SNRPN: variants seen among roughly 807,000 people sequenced by gnomAD.
The protein encoded by SNRPN is small nuclear ribonucleoprotein-associated protein N.
A neutral mutation model predicts 25.2 loss-of-function variants in SNRPN; 7 were observed. The observed-to-expected ratio is 0.28, with a 90% CI of 0.16 to 0.52. SNRPN has a LOEUF of 0.52. Among genes scored for constraint, SNRPN ranks in the 20% least tolerant of loss-of-function variants. The pLI is 0.96. For synonymous variants in SNRPN, 124 were observed against 110.6 expected, an observed-to-expected ratio of 1.12 and a Z score of -0.76; for missense variants, 196 against 322.5, an observed-to-expected ratio of 0.61 and a Z score of 3.00.
chr15:24,908,999 T>C, intron 2 of SNRPN: 1 of 1,418,090 alleles, frequency 7.1e-7, no homozygotes, highest in East Asian at 2.3e-5. Context: ...ATCCTTCTTC[T>C]GAGCAAGGGA....
In SNRPN at chr15:24,974,982, G is replaced by T. The variant is rs867001062; in HGVS notation, c.4-376G>T. 3.6e-5 allele frequency: 25 copies of T among 702,914 alleles called. No individual in the cohort carries two copies. The African/African-American group carries it at 4.2e-4, about 12-fold the overall frequency. The allele number at this position is 702,914 out of a possible 1,614,324, so 43.5% of individuals were successfully genotyped here. A position where few individuals can be genotyped will look rare whatever the true frequency, so the allele number is the denominator to read the frequency against. On this transcript the variant is annotated intron_variant, in intron 4 of 9. Transcript: ENST00000390687. ...GGTCAGATTACAATAGAAATAAAGAGGGCTTTGAAAATGGAAGGGTTTTGG... is the reference window on the plus strand; with the variant it reads ...GGTCAGATTACAATAGAAATAAAGATGGCTTTGAAAATGGAAGGGTTTTGG...
At chr15:24,897,183 C>T (rs1315950467) in intron 2 of SNRPN, among the ~76,000 whole-genome samples, 5 of 152,082 alleles carry the variant, frequency 3.3e-5, no homozygotes, top group African/African-American at 1.2e-4. Context: ...AAACGTAATA[C>T]AGGCCACTGA....
chr15:24,867,314 G>A (rs2054657789), intron 1 of SNRPN, among the ~76,000 whole-genome samples: 1 of 151,742 alleles, frequency 6.6e-6, no homozygotes, highest in African/African-American at 2.4e-5. Flanking sequence ...CTTGTAACAG[G>A]TATAATATCT....
chr15:24,955,690 G>A (rs1315875089), intron 1 of SNRPN, among the ~76,000 whole-genome samples: 1 of 150,138 alleles, frequency 6.7e-6, no homozygotes, highest in Non-Finnish European at 1.5e-5. Flanking sequence ...GGTGGGGGTT[G>A]TGTTGGTGGT....
chr15:24,929,517 T>G lies in SNRPN; in HGVS notation c.-391+9393T>G, dbSNP rs531794389. ...AAGATGGGGAATACTTGCAGGCACCTGGGAAGCTCAGGGAAGCTGCAGGTA... is the reference window on the plus strand; with the variant it reads ...AAGATGGGGAATACTTGCAGGCACCGGGGAAGCTCAGGGAAGCTGCAGGTA... On this transcript the variant is annotated intron_variant, in intron 3 of 11. Coordinates refer to the SNRPN transcript ENST00000400097. The surrounding 1 kb of genome is among the most constrained non-coding windows in gnomAD (Gnocchi z 5.3). Among the ~76,000 whole-genome samples, 35 of 152,104 alleles carry G rather than the reference T, an allele frequency of 2.3e-4. No homozygotes were observed. Among genetic ancestry groups the G allele is most frequent in the Non-Finnish European group, 4.4e-4 (30 of 68,032 alleles).
chr15:24,856,301 T>C (rs1171998816), upstream of SNRPN, among the ~76,000 whole-genome samples: 2 of 152,206 alleles, frequency 1.3e-5, no homozygotes, highest in East Asian at 3.8e-4. Context: ...CTTGTGAATC[T>C]TAGACAACCC....
chr15:24,953,227 G>T (rs868264552), upstream of SNRPN, among the ~76,000 whole-genome samples: 1 of 152,222 alleles, frequency 6.6e-6, no homozygotes, highest in Non-Finnish European at 1.5e-5. Flanking sequence ...TGAATCAAAA[G>T]AGCCTGAGTC....
intron 2 of SNRPN, among the ~76,000 whole-genome samples, chr15:24,963,737 A>G (rs1332560735): frequency 6.6e-6 from 1 of 151,482 alleles, no homozygotes; most frequent in Non-Finnish European, 1.5e-5. Flanking sequence ...TTATTTCCTC[A>G]TTTTATATGT....
At chr15:24,909,941 T>C (rs969087497) in intron 2 of SNRPN, 2 of 523,712 alleles carry the variant, frequency 3.8e-6, no homozygotes, top group African/African-American at 3.8e-5. Flanking sequence ...GAACAAGGTA[T>C]CTGTGTAAAA....
chr15:24,850,884 T>C (rs1258244388), intron 2 of SNRPN: 1 of 152,122 alleles, frequency 6.6e-6, no homozygotes, highest in African/African-American at 2.4e-5. Flanking sequence ...AATTTAAGTT[T>C]ATTAGGAAAC....
intron 2 of SNRPN, among the ~76,000 whole-genome samples, chr15:24,911,551 C>A (rs2059217778): frequency 6.6e-6 from 1 of 152,306 alleles, no homozygotes; most frequent in African/African-American, 2.4e-5. Context: ...ATCTGTGGTT[C>A]AGGTGGGCCC....
chr15:24,936,876 T>A (rs1023585060), intron 3 of SNRPN, among the ~76,000 whole-genome samples: 2 of 152,064 alleles, frequency 1.3e-5, no homozygotes, highest in African/African-American at 4.8e-5. Context: ...ACCAAAGAAA[T>A]ATTTTACTTA....
chr15:24,891,919 A>T (rs1316292839), intron 2 of SNRPN, among the ~76,000 whole-genome samples: 2 of 152,190 alleles, frequency 1.3e-5, no homozygotes, highest in African/African-American at 2.4e-5. Flanking sequence ...ACTGTTTTAT[A>T]TGTAACAGTT....
At chr15:24,839,494 C>G (rs1028958065) in intron 2 of SNRPN, among the ~76,000 whole-genome samples, 27 of 152,198 alleles carry the variant, frequency 1.8e-4, no homozygotes, top group African/African-American at 6.5e-4. Flanking sequence ...TTTAAATATT[C>G]TAGTCACTCA....
intron 2 of SNRPN, chr15:24,848,446 C>T (rs946125126): frequency 5.3e-5 from 8 of 152,086 alleles, no homozygotes; most frequent in African/African-American, 1.9e-4. Flanking sequence ...TAAAATTTTC[C>T]TCTCTAGGTT....
chr15:24,945,082 C>G (rs1037588473), intron 3 of SNRPN, among the ~76,000 whole-genome samples: 5 of 152,076 alleles, frequency 3.3e-5, no homozygotes, highest in Admixed American at 1.3e-4. Context: ...CATGGCCTAG[C>G]CCCATTGACA....
chr15:24,957,961 TGGAGGCAGGGAGTG>T (rs1328166951), intron 1 of SNRPN, among the ~76,000 whole-genome samples: 1 of 152,138 alleles, frequency 6.6e-6, no homozygotes, highest in Non-Finnish European at 1.5e-5. Flanking sequence ...TAGGGCTTTT[TGGAGGCAGGGAGTG>T]GCAGCCCTTC....
chr15:24,870,267 C>T (rs1273252519), intron 1 of SNRPN, among the ~76,000 whole-genome samples: 1 of 151,944 alleles, frequency 6.6e-6, no homozygotes, highest in South Asian at 2.1e-4. Flanking sequence ...AGATACAGAC[C>T]CAGGTATATT....
intron 3 of SNRPN, among the ~76,000 whole-genome samples, chr15:24,942,056 G>A (rs1053313772): frequency 6.6e-6 from 1 of 152,136 alleles, no homozygotes; most frequent in Non-Finnish European, 1.5e-5. Flanking sequence ...GGGATTACAG[G>A]CATGAGCCAC....
Sources: allele counts gnomAD v4.1 joint callset (sites outside exome capture counted in the v4.1 genomes callset), GRCh38; gene constraint gnomAD v4.1.1; non-coding constraint Gnocchi (gnomAD v3.1); transcripts MANE v1.5; gene names NCBI Gene and HGNC (gene_info 2026-07-23, HGNC 2026-07-21).